Variants in IDO2 observed in about 807,000 individuals in gnomAD.
IDO2 encodes indoleamine 2,3-dioxygenase-like 1 protein.
A neutral mutation model predicts 45.1 loss-of-function variants in IDO2; 46 were observed. That is an observed-to-expected ratio of 1.02 (90% CI 0.80 to 1.30). The LOEUF is 1.30. Ranked by LOEUF, IDO2 falls within the 50% of genes most tolerant of loss-of-function variation. IDO2 has a pLI of 0.00. For missense variants in IDO2, 544 were observed against 491.8 expected (o/e 1.11, Z -1.00); for synonymous variants, 218 against 184.9 (o/e 1.18, Z -1.45).
chr8:39,975,160 T>G lies in IDO2; in HGVS notation c.196-3907T>G, dbSNP rs1467407136. 1.6e-3 allele frequency among the ~76,000 whole-genome samples: 29 copies of G among 18,684 alleles called. No homozygotes were observed. The Admixed American group carries it at 0.027, about 17-fold the overall frequency. The allele number at this position is 18,684 out of a possible 152,430, so 12.3% of individuals were successfully genotyped here. On this transcript the variant is annotated intron_variant, in intron 3 of 10. Transcript: ENST00000502986. ...TTTCTAATATGGCACAACATTGGAG[T>G]TTTTTTTTTTGTTTTTTTTTTTTGT...
intron 8 of IDO2, among the ~76,000 whole-genome samples, chr8:39,993,985 C>T (rs965834597): frequency 1.1e-4 from 17 of 151,646 alleles, no homozygotes; most frequent in African/African-American, 1.9e-4. Flanking sequence ...CCAGCCTGGG[C>T]GACAGAGTGA....
intron 10 of IDO2, among the ~76,000 whole-genome samples, chr8:40,014,249 G>A (rs1395337595): frequency 2.6e-5 from 4 of 152,118 alleles, no homozygotes; most frequent in African/African-American, 7.2e-5. Context: ...TTTTCAAGTT[G>A]GATTAGAAGA....
At chr8:39,947,201 AGAGTGTTT>A in intron 1 of IDO2, among the ~76,000 whole-genome samples, 1 of 144,582 alleles carries the variant, frequency 6.9e-6, no homozygotes, top group African/African-American at 2.5e-5. Context: ...AAAAAGAAGT[AGAGTGTTT>A]AATTAAATAA....
At position 39,985,533 on chromosome 8, in the gene IDO2, A is replaced by G. The variant is rs1808410389; in HGVS notation, c.449+11A>G. 8 of 1,562,408 alleles carry G rather than the reference A, an allele frequency of 5.1e-6. No individual in the cohort carries two copies. The highest frequency in any genetic ancestry group is 1.4e-5 in the African/African-American group (1 of 73,600). On this transcript the variant is annotated intron_variant, in intron 6 of 10. Transcript: ENST00000502986. ...ATTCCTGGAAATTGGGTAAGTTCTC[A>G]GAAATCATTTACGCACTTTAGAATC...
At chr8:40,012,949 G>A (rs1437482040) in intron 9 of IDO2, among the ~76,000 whole-genome samples, 1 of 152,142 alleles carries the variant, frequency 6.6e-6, no homozygotes, top group Non-Finnish European at 1.5e-5. Flanking sequence ...TTTGATAAAG[G>A]CATCCTCAAA....
exon 11 of IDO2, chr8:40,015,412 G>A (rs1046060364): frequency 1.9e-6 from 3 of 1,613,806 alleles, no homozygotes; most frequent in African/African-American, 2.7e-5. Context: ...GAGCTGCGGA[G>A]CTATCACATC....
intron 6 of IDO2, among the ~76,000 whole-genome samples, chr8:39,986,712 A>AGAT (rs1283515652): frequency 4.0e-5 from 6 of 149,978 alleles, no homozygotes; most frequent in African/African-American, 1.3e-4. Flanking sequence ...ATAGATAGAT[A>AGAT]GATAGACGGA....
intron 3 of IDO2, among the ~76,000 whole-genome samples, chr8:39,964,548 C>T (rs979949690): frequency 1.3e-5 from 2 of 152,180 alleles, no homozygotes; most frequent in Admixed American, 1.3e-4. Context: ...TCCAAAATTT[C>T]CCTTTGCTGA....
Position 40,013,018 on chromosome 8 carries a change from T to A in IDO2, c.720-547T>A, listed in dbSNP as rs78632945. Among the ~76,000 whole-genome samples the A allele has an allele frequency of 5.4e-4, 82 of 152,308 alleles. 2 individuals are homozygous for A. In the East Asian group the frequency reaches 0.015, roughly 29 times the overall value. On this transcript the variant is annotated intron_variant, in intron 9 of 10. Transcript: ENST00000502986. The stretch of plus-strand genomic sequence containing the variant: ...GTTGAGTAATATCCAGAATTGGTAG[T>A]TTAACGTGATGACTTCTTAACAATT...
chr8:39,982,115 G>GAGTC (rs1281039792), intron 4 of IDO2, among the ~76,000 whole-genome samples: 1 of 151,988 alleles, frequency 6.6e-6, no homozygotes, highest in Non-Finnish European at 1.5e-5. Flanking sequence ...GTATCTCTAT[G>GAGTC]AGTCGGTCAA....
rs560180578 is a variant in IDO2, at chr8:39,987,905, G to C, written c.484G>C (p.Glu162Gln). 3.4e-5 allele frequency: 55 copies of C among 1,611,462 alleles called. 3 individuals carry two copies. The South Asian group carries it at 5.9e-4, about 17-fold the overall frequency. ...GACCATCATCTCATTTCCTGGGGGA[G>C]AGAGCCTGCATGGTTTTATACTGGT... Residue 162 changes from glutamate (E) to glutamine (Q), a missense_variant, in exon 7 of 11, where the codon GAG becomes CAG. Physicochemically the swap from Glu to Gln is conservative, Grantham distance 29. Coordinates refer to ENST00000502986, the Ensembl canonical transcript of IDO2.
intron 7 of IDO2, among the ~76,000 whole-genome samples, chr8:39,989,140 C>A (rs1047345725): frequency 1.3e-5 from 2 of 152,130 alleles, no homozygotes; most frequent in Non-Finnish European, 2.9e-5. Flanking sequence ...GAAGCAAGAA[C>A]CTCTTCACGA....
chr8:39,985,109 T>G (rs1218216009), intron 5 of IDO2: 1 of 307,400 alleles, frequency 3.3e-6, no homozygotes, highest in Non-Finnish European at 6.2e-6. Context: ...TTTTTGTATT[T>G]TTAGAGAGAT....
chr8:40,014,291 T>C (rs1373645185), intron 10 of IDO2, among the ~76,000 whole-genome samples: 3 of 152,224 alleles, frequency 2.0e-5, no homozygotes, highest in Non-Finnish European at 4.4e-5. Flanking sequence ...TGTCGTAGAT[T>C]CAAGTCACTT....
intron 6 of IDO2, 33 bp from the exon 7 acceptor site, chr8:39,987,838 C>A: frequency 7.6e-7 from 1 of 1,318,906 alleles, no homozygotes; most frequent in Non-Finnish European, 1.1e-6. Flanking sequence ...ACAGTCTCCA[C>A]ACCTCTAATC....
chr8:39,961,080 G>A (rs1233016589), intron 2 of IDO2, among the ~76,000 whole-genome samples: 1 of 152,154 alleles, frequency 6.6e-6, no homozygotes, highest in Admixed American at 6.5e-5. Flanking sequence ...ACCGCACCTG[G>A]CCCTACTGTC....
chr8:39,977,715 T>A (rs1015667678), intron 3 of IDO2, among the ~76,000 whole-genome samples: 4 of 152,158 alleles, frequency 2.6e-5, no homozygotes, highest in African/African-American at 9.7e-5. Flanking sequence ...ACAAGTAACA[T>A]CTCAACAGTA....
In IDO2 at chr8:39,964,213, G is replaced by A. The variant is rs149902300; in HGVS notation, c.195+510G>A. 2.4e-3 allele frequency among the ~76,000 whole-genome samples: 365 copies of A among 152,278 alleles called. 1 individual carries two copies. Among genetic ancestry groups the A allele is most frequent in the African/African-American group, 8.3e-3 (344 of 41,552 alleles). ...ATTCCACACAAGTGTTGATTAGGCT[G>A]ATACAAAGGTAATTGCAGTTTTTGC... is the stretch of plus-strand genomic sequence containing the variant. On this transcript the variant is annotated intron_variant, in intron 3 of 10. Transcript: ENST00000502986.
intron 8 of IDO2, among the ~76,000 whole-genome samples, chr8:39,993,345 G>C (rs553943664): frequency 5.9e-5 from 9 of 151,960 alleles, no homozygotes; most frequent in Non-Finnish European, 1.2e-4. Flanking sequence ...GGAAATGTTT[G>C]CCTTTATTTA....
Sources: allele counts gnomAD v4.1 joint callset (sites outside exome capture counted in the v4.1 genomes callset), GRCh38; gene constraint gnomAD v4.1.1; transcripts MANE v1.5; gene names NCBI Gene and HGNC (gene_info 2026-07-23, HGNC 2026-07-21).